KCNIP1: variants seen among roughly 807,000 people sequenced by gnomAD.
KCNIP1 encodes the protein A-type potassium channel modulatory protein KCNIP1.
In KCNIP1, 18 loss-of-function variants were observed where a neutral mutation model predicts 33.0. That is an observed-to-expected ratio of 0.55 (90% CI 0.38 to 0.81). The LOEUF (loss-of-function observed/expected upper bound fraction) is 0.81, where lower values mean the gene tolerates loss of function less well. KCNIP1 is among the 30% of genes least tolerant of loss of function. The pLI is 0.00. For synonymous variants in KCNIP1, 93 were observed against 98.3 expected, an observed-to-expected ratio of 0.95 and a Z score of 0.32; for missense variants, 238 against 271.6, an observed-to-expected ratio of 0.88 and a Z score of 0.87.
intron 1 of KCNIP1, among the ~76,000 whole-genome samples, chr5:170,480,936 T>A (rs1202249269): frequency 6.6e-6 from 1 of 152,204 alleles, no homozygotes; most frequent in Non-Finnish European, 1.5e-5. Flanking sequence ...TGCCTATCGA[T>A]GCTTAATAAC....
rs537919512 is a variant in KCNIP1, at chr5:170,529,537, G to A, written c.61+24904G>A. Among the ~76,000 whole-genome samples the A allele has an allele frequency of 2.6e-5, 4 of 152,322 alleles. No homozygotes were observed. The East Asian group carries it at 5.8e-4, about 22-fold the overall frequency. Reference sequence around the variant, plus strand: ...CAAAATATGTTACTGCCTTCTTCAAGTACACAGGTTTCTGTAAAGCCTAAC... The same window carrying A: ...CAAAATATGTTACTGCCTTCTTCAAATACACAGGTTTCTGTAAAGCCTAAC... On this transcript the variant is annotated intron_variant, in intron 1 of 7. Coordinates refer to ENST00000328939, the MANE Select transcript of KCNIP1 (RefSeq NM_014592.4).
chr5:170,394,865 C>T (rs755383923), intron 1 of KCNIP1, among the ~76,000 whole-genome samples: 1 of 152,146 alleles, frequency 6.6e-6, no homozygotes, highest in East Asian at 1.9e-4. Flanking sequence ...TTTCTGTTTC[C>T]GCATTAATTT....
At chr5:170,395,661 A>G (rs535278146) in intron 1 of KCNIP1, among the ~76,000 whole-genome samples, 3 of 152,358 alleles carry the variant, frequency 2.0e-5, no homozygotes, top group African/African-American at 7.2e-5. Context: ...TGGCAACATC[A>G]TAGAAGTGGG....
chr5:170,639,506 A>G (rs1317342583), intron 1 of KCNIP1: 1 of 152,218 alleles, frequency 6.6e-6, no homozygotes, highest in African/African-American at 2.4e-5. Context: ...GGACTGCGTG[A>G]CCTTGGTGAG....
chr5:170,522,474 T>C (rs1755399674), intron 1 of KCNIP1, among the ~76,000 whole-genome samples: 1 of 152,210 alleles, frequency 6.6e-6, no homozygotes, highest in African/African-American at 2.4e-5. Flanking sequence ...GCATTTCTCA[T>C]TGTGGTTTAT....
At chr5:170,503,902 G>A (rs992530507), upstream of KCNIP1, 4 of 377,970 alleles carry the variant, frequency 1.1e-5, no homozygotes, top group African/African-American at 6.6e-5. Flanking sequence ...ATGAGGGTGC[G>A]CAGGGGTGAG....
chr5:170,502,692 T>C (rs1269439757), upstream of KCNIP1, among the ~76,000 whole-genome samples: 5 of 152,162 alleles, frequency 3.3e-5, no homozygotes, highest in Non-Finnish European at 5.9e-5. Context: ...TATGAGGCCA[T>C]ACATCCGGGT....
chr5:170,643,670 G>A (rs1308054458), intron 1 of KCNIP1, among the ~76,000 whole-genome samples: 1 of 152,218 alleles, frequency 6.6e-6, no homozygotes, highest in East Asian at 1.9e-4. Context: ...TCAGCTTCTA[G>A]GGCAGGGTCC....
upstream of KCNIP1, among the ~76,000 whole-genome samples, chr5:170,502,565 C>A (rs1757435566): frequency 6.6e-6 from 1 of 152,126 alleles, no homozygotes; most frequent in African/African-American, 2.4e-5. Context: ...TCGTGGGGGG[C>A]AACTGTAGGT....
intron 1 of KCNIP1, among the ~76,000 whole-genome samples, chr5:170,399,582 T>G (rs931048373): frequency 7.9e-5 from 12 of 152,198 alleles, no homozygotes; most frequent in African/African-American, 2.9e-4. Context: ...GAAACCACAG[T>G]CAAAATATTA....
chr5:170,547,431 G>T (rs1756455915), intron 1 of KCNIP1, among the ~76,000 whole-genome samples: 1 of 152,122 alleles, frequency 6.6e-6, no homozygotes, highest in Non-Finnish European at 1.5e-5. Flanking sequence ...TGTTGCATAG[G>T]TAAATATGTG....
At chr5:170,450,722 C>T (rs576537707) in intron 1 of KCNIP1, among the ~76,000 whole-genome samples, 2 of 152,342 alleles carry the variant, frequency 1.3e-5, no homozygotes, top group African/African-American at 4.8e-5. Flanking sequence ...TTTCCCCCTT[C>T]TCTTTCTCTG....
chr5:170,360,467 G>A lies in KCNIP1; in HGVS notation c.88+6503G>A, dbSNP rs912626364. 2.6e-5 allele frequency among the ~76,000 whole-genome samples: 4 copies of A among 152,246 alleles called. No individual in the cohort carries two copies. The East Asian group carries it at 7.7e-4, about 29-fold the overall frequency. On this transcript the variant is annotated intron_variant, in intron 1 of 7. Transcript: ENST00000377360. ...TGGAATGAGATGGGACATGTGACAG[G>A]CACAGGACCTGGCTCATACAAGCTG...
At chr5:170,456,721 C>CTTTCTTTCTTTCTTTCTTTCTTTCTTTT in intron 1 of KCNIP1, among the ~76,000 whole-genome samples, 1 of 149,886 alleles carries the variant, frequency 6.7e-6, no homozygotes, top group African/African-American at 2.5e-5. Context: ...TTCTTTCTTT[C>CTTTCTTTCTTTCTTTCTTTCTTTCTTTT]TTTCTTGTTT....
chr5:170,465,651 A>C (rs1756593335), intron 1 of KCNIP1, among the ~76,000 whole-genome samples: 1 of 152,180 alleles, frequency 6.6e-6, no homozygotes, highest in South Asian at 2.1e-4. Context: ...AGAGAGACAG[A>C]AAGAGAGAGA....
intron 1 of KCNIP1, chr5:170,354,031 T>G (rs1581101094): frequency 7.0e-7 from 1 of 1,420,488 alleles, no homozygotes; most frequent in African/African-American, 1.4e-5. Context: ...ATTGCCTCGG[T>G]GTGGTGAGCG....
At chr5:170,389,990 TTTTTAA>T (rs1764651299) in intron 1 of KCNIP1, among the ~76,000 whole-genome samples, 9 of 152,186 alleles carry the variant, frequency 5.9e-5, no homozygotes, top group African/African-American at 2.2e-4. Context: ...GAGAACTGAC[TTTTTAA>T]GGACCAACTG....
intron 1 of KCNIP1, chr5:170,486,358 A>G (rs1180040227): frequency 6.6e-6 from 1 of 152,114 alleles, no homozygotes; most frequent in Admixed American, 6.6e-5. Flanking sequence ...TCTACTCCCC[A>G]TTTTCCCAGC....
intron 1 of KCNIP1, among the ~76,000 whole-genome samples, chr5:170,416,545 C>A (rs1475159950): frequency 6.6e-6 from 1 of 152,196 alleles, no homozygotes; most frequent in African/African-American, 2.4e-5. Context: ...AATGCTACGA[C>A]AGAGCTGGTG....
Sources: allele counts gnomAD v4.1 joint callset (sites outside exome capture counted in the v4.1 genomes callset), GRCh38; gene constraint gnomAD v4.1.1; transcripts MANE v1.5; gene names NCBI Gene and HGNC (gene_info 2026-07-23, HGNC 2026-07-21).